PHACTR1: variants seen among roughly 807,000 people sequenced by gnomAD.
PHACTR1 encodes phosphatase and actin regulator 1.
A neutral mutation model predicts 69.2 loss-of-function variants in PHACTR1; 16 were observed. The observed-to-expected ratio is 0.23, with a 90% CI of 0.16 to 0.35. PHACTR1 has a LOEUF of 0.35. Ranked by LOEUF, PHACTR1 falls within the 10% of genes least tolerant of loss-of-function variation. The pLI, the probability that PHACTR1 is intolerant of heterozygous loss-of-function variation, is 1.00. For missense variants in PHACTR1, 510 were observed against 734.7 expected, an observed-to-expected ratio of 0.69 and a Z score of 3.54; for synonymous variants, 312 against 284.5, an observed-to-expected ratio of 1.10 and a Z score of -0.97.
Position 12,955,622 on chromosome 6 carries a change from C to G in PHACTR1, c.251-97743C>G, listed in dbSNP as rs950711840. 4.6e-5 allele frequency among the ~76,000 whole-genome samples: 7 copies of G among 152,128 alleles called. No homozygotes were observed. The South Asian group carries it at 6.2e-4, about 14-fold the overall frequency. Reference sequence around the variant, plus strand: ...TCCTCCTCCCATTACTGATGAATGTCTCACCACCTGATGTTTTCTAACACC... The same window carrying G: ...TCCTCCTCCCATTACTGATGAATGTGTCACCACCTGATGTTTTCTAACACC... On this transcript the variant is annotated intron_variant, in intron 4 of 14. Coordinates refer to ENST00000332995, the MANE Select transcript of PHACTR1 (RefSeq NM_030948.6).
intron 4 of PHACTR1, chr6:12,957,740 A>C (rs531581470): frequency 8.1e-6 from 8 of 985,492 alleles, no homozygotes; most frequent in Admixed American, 6.1e-5. Context: ...ATGGGTGGCC[A>C]CCTAGTCCAC....
chr6:12,718,880 T>C (rs371195691), intron 3 of PHACTR1, 33 bp downstream of exon 3: 16 of 1,402,736 alleles, frequency 1.1e-5, no homozygotes, highest in Non-Finnish European at 1.6e-5. Flanking sequence ...TTCCTCTTAT[T>C]TGCACGTCGG....
At chr6:12,828,586 AGT>A (rs1777062052) in intron 4 of PHACTR1, among the ~76,000 whole-genome samples, 1 of 152,150 alleles carries the variant, frequency 6.6e-6, no homozygotes, top group African/African-American at 2.4e-5. Flanking sequence ...AAAGAGAAGG[AGT>A]TACATGAGAA....
chr6:13,251,905 A>AG (rs1283455493), intron 10 of PHACTR1, among the ~76,000 whole-genome samples: 1 of 151,880 alleles, frequency 6.6e-6, no homozygotes, highest in Non-Finnish European at 1.5e-5. Context: ...AAATTTAAAA[A>AG]TTAGCTGGGC....
At chr6:13,270,229 T>C (rs1162533250) in intron 10 of PHACTR1, among the ~76,000 whole-genome samples, 1 of 152,248 alleles carries the variant, frequency 6.6e-6, no homozygotes, top group Non-Finnish European at 1.5e-5. Context: ...AACAGCCAGA[T>C]GAAGAGATGG....
At chr6:12,982,868 A>T (rs1795689585) in intron 4 of PHACTR1, among the ~76,000 whole-genome samples, 1 of 152,234 alleles carries the variant, frequency 6.6e-6, no homozygotes, top group Admixed American at 6.5e-5. Context: ...TTCTAGCTAT[A>T]ACTAATGAGA....
chr6:12,984,360 C>A (rs572725581), intron 4 of PHACTR1, among the ~76,000 whole-genome samples: 19 of 152,006 alleles, frequency 1.2e-4, no homozygotes, highest in East Asian at 7.7e-4. Context: ...AAATTGATAA[C>A]CATTGGAGGT....
At chr6:13,278,479 T>C (rs1178718386) in intron 12 of PHACTR1, 150 bp downstream of exon 12, 13 of 639,840 alleles carry the variant, frequency 2.0e-5, no homozygotes, top group Non-Finnish European at 2.2e-5. Flanking sequence ...ATAAGACCTC[T>C]CCACTCAGCT....
chr6:13,274,654 C>G (rs894291214), intron 11 of PHACTR1: 1 of 152,258 alleles, frequency 6.6e-6, no homozygotes, highest in Non-Finnish European at 1.5e-5. Context: ...AATCCCCTAG[C>G]TCAGCTCTGG....
intron 4 of PHACTR1, among the ~76,000 whole-genome samples, chr6:13,045,057 C>T (rs1219652424): frequency 6.6e-6 from 1 of 152,188 alleles, no homozygotes; most frequent in African/African-American, 2.4e-5. Flanking sequence ...TCCCTCATCC[C>T]TGAAGCCCTC....
intron 4 of PHACTR1, among the ~76,000 whole-genome samples, chr6:12,968,265 G>T (rs935394398): frequency 6.6e-6 from 1 of 152,188 alleles, no homozygotes; most frequent in African/African-American, 2.4e-5. Context: ...GCCGTTAAAA[G>T]CCTAAGGTAG....
intron 4 of PHACTR1, among the ~76,000 whole-genome samples, chr6:12,866,661 T>C (rs984768309): frequency 1.3e-5 from 2 of 152,208 alleles, no homozygotes; most frequent in African/African-American, 4.8e-5. Flanking sequence ...CCATTTATAT[T>C]CACAATGGTT....
chr6:13,284,433 C>T (rs1230260384), intron 13 of PHACTR1, among the ~76,000 whole-genome samples: 1 of 143,136 alleles, frequency 7.0e-6, no homozygotes, highest in Non-Finnish European at 1.5e-5. Context: ...AGGAGAATTG[C>T]TTGAACCCAG....
chr6:13,189,486 C>T (rs920112303), intron 7 of PHACTR1, among the ~76,000 whole-genome samples: 8 of 152,018 alleles, frequency 5.3e-5, no homozygotes, highest in African/African-American at 1.9e-4. Context: ...GCAGCCTCCA[C>T]CTCCCAGGCA....
intron 5 of PHACTR1, among the ~76,000 whole-genome samples, chr6:13,107,424 T>C (rs1816347616): frequency 1.3e-5 from 2 of 152,246 alleles, no homozygotes; most frequent in African/African-American, 4.8e-5. Context: ...TTTCTCTTTG[T>C]ATCTAAATAA....
chr6:13,093,686 A>G (rs1039217570), intron 5 of PHACTR1, among the ~76,000 whole-genome samples: 46 of 152,204 alleles, frequency 3.0e-4, no homozygotes, highest in African/African-American at 1.0e-3. Context: ...TATCCTCTAT[A>G]TTGGGTTCTA....
chr6:13,260,359 G>A (rs1775745989), intron 10 of PHACTR1, among the ~76,000 whole-genome samples: 1 of 152,170 alleles, frequency 6.6e-6, no homozygotes, highest in Non-Finnish European at 1.5e-5. Context: ...CTGTGAATAA[G>A]GGAGTGAAGG....
At chr6:12,927,969 A>G (rs1363043580) in intron 4 of PHACTR1, among the ~76,000 whole-genome samples, 1 of 152,192 alleles carries the variant, frequency 6.6e-6, no homozygotes, top group African/African-American at 2.4e-5. Context: ...TTGCTCTGCC[A>G]CCAGCATTGT....
intron 4 of PHACTR1, among the ~76,000 whole-genome samples, chr6:12,777,022 G>A (rs1256046107): frequency 6.6e-6 from 1 of 152,072 alleles, no homozygotes; most frequent in Non-Finnish European, 1.5e-5. Context: ...CATGTTCAAG[G>A]TTAGAAATTT....
Sources: allele counts gnomAD v4.1 joint callset (sites outside exome capture counted in the v4.1 genomes callset), GRCh38; gene constraint gnomAD v4.1.1; transcripts MANE v1.5; gene names NCBI Gene and HGNC (gene_info 2026-07-23, HGNC 2026-07-21).